The following TRAF2 variants were observed in gnomAD, a reference collection of about 807,000 sequenced individuals.
TRAF2 encodes the protein TNF receptor associated factor 2, also known as TNF receptor-associated factor 2.
A neutral mutation model predicts 55.6 loss-of-function variants in TRAF2; 6 were observed. That is an observed-to-expected ratio of 0.11 (90% confidence interval 0.06 to 0.21). The LOEUF is 0.21. Ranked by LOEUF, TRAF2 falls within the 10% of genes least tolerant of loss-of-function variation. The pLI is 1.00. For synonymous variants in TRAF2, 329 were observed against 276.3 expected (o/e 1.19, Z -1.89); for missense variants, 561 against 684.5 (o/e 0.82, Z 2.01).
At chr9:136,907,636 G>C (rs2131305935) in intron 4 of TRAF2, among the ~76,000 whole-genome samples, 1 of 152,260 alleles carries the variant, frequency 6.6e-6, no homozygotes, top group Non-Finnish European at 1.5e-5. Context: ...ATGAGGATGG[G>C]GCTGGGACTG....
chr9:136,886,256 AG>A (rs1433978926), upstream of TRAF2: 1 of 324,292 alleles, frequency 3.1e-6, no homozygotes. Flanking sequence ...GCGCTCTTTG[AG>A]GAAAAAGCAG....
chr9:136,898,220 A>G (rs1264292247), intron 1 of TRAF2, among the ~76,000 whole-genome samples: 2 of 152,334 alleles, frequency 1.3e-5, no homozygotes, highest in East Asian at 3.9e-4. Context: ...GAGTGCCTTC[A>G]GAGCCTGAGT....
chr9:136,882,357 A>C (rs1312104033), upstream of TRAF2, among the ~76,000 whole-genome samples: 1 of 152,200 alleles, frequency 6.6e-6, no homozygotes, highest in Non-Finnish European at 1.5e-5. Flanking sequence ...CTGCAGGCCC[A>C]GTAGGTAGCT....
Position 136,908,183 on chromosome 9 carries a change from C to T in TRAF2, c.480C>T (p.Ser160=), listed in dbSNP as rs749327858. 28 of 1,600,926 alleles carry T rather than the reference C, an allele frequency of 1.7e-5. No homozygotes were observed. The South Asian group carries it at 3.1e-4, about 18-fold the overall frequency. ...RHLEHECPER[S]LSCRHCRAPC... ...TGGAGCACGAGTGCCCGGAGAGAAG[C>T]CTGAGCTGCCGGCATTGCCGGGCAC... The change falls in exon 5 of 11, where the codon AGC becomes AGT. Residue 160 remains serine (S), a synonymous_variant. Coordinates refer to ENST00000247668, the MANE Select transcript of TRAF2 (RefSeq NM_021138.4).
chr9:136,923,775 AGGG>A, intron 9 of TRAF2, 74 bp from the exon 10 acceptor site: 1 of 1,495,550 alleles, frequency 6.7e-7, no homozygotes, highest in Non-Finnish European at 9.1e-7. Context: ...TCCCTGGGGG[AGGG>A]CAGCCAGGCA....
At chr9:136,884,267 A>G (rs1849407324), upstream of TRAF2, among the ~76,000 whole-genome samples, 1 of 151,288 alleles carries the variant, frequency 6.6e-6, no homozygotes, top group Non-Finnish European at 1.5e-5. Flanking sequence ...TTTTTAAAAG[A>G]GACAGGGTCA....
intron 4 of TRAF2, 156 bp downstream of exon 4, chr9:136,900,676 A>G: frequency 1.4e-6 from 1 of 716,564 alleles, no homozygotes; most frequent in Non-Finnish European, 2.6e-6. Flanking sequence ...TGCTCCTTAG[A>G]GTATGTCCAT....
upstream of TRAF2, chr9:136,886,353 G>C (rs1345072080): frequency 3.1e-6 from 3 of 973,916 alleles, no homozygotes; most frequent in African/African-American, 5.3e-5. Flanking sequence ...TGGCTCCGGC[G>C]TCAGTCCGTC....
intron 1 of TRAF2, chr9:136,886,743 C>T (rs903037776): frequency 7.0e-6 from 2 of 285,082 alleles, no homozygotes; most frequent in African/African-American, 2.3e-5. Flanking sequence ...GAAACCAAGT[C>T]CGAGCGTGGC....
intron 1 of TRAF2, among the ~76,000 whole-genome samples, chr9:136,897,026 G>C (rs937138843): frequency 6.6e-6 from 1 of 152,154 alleles, no homozygotes; most frequent in South Asian, 2.1e-4. Context: ...CCCTTCCTCT[G>C]TCCTCAACAT....
intron 1 of TRAF2, among the ~76,000 whole-genome samples, chr9:136,894,441 G>T (rs17243732): frequency 0.012 from 1,893 of 152,248 alleles, 40 homozygotes; most frequent in African/African-American, 0.044. Flanking sequence ...GTCTCGGAAG[G>T]CTGCTGGGCC....
At chr9:136,891,732 T>TG (rs1849584550) in intron 1 of TRAF2, among the ~76,000 whole-genome samples, 3 of 152,014 alleles carry the variant, frequency 2.0e-5, no homozygotes, top group Admixed American at 1.3e-4. Context: ...ATCTTTTTTT[T>TG]TTTTTTGAGA....
intron 6 of TRAF2, among the ~76,000 whole-genome samples, chr9:136,914,428 G>C (rs902392194): frequency 7.2e-5 from 11 of 152,222 alleles, no homozygotes; most frequent in Non-Finnish European, 1.3e-4. Flanking sequence ...ATTAGAACTT[G>C]GGGCCCTGCT....
At chr9:136,882,272 T>C (rs1166421314), upstream of TRAF2, among the ~76,000 whole-genome samples, 1 of 152,014 alleles carries the variant, frequency 6.6e-6, no homozygotes, top group Non-Finnish European at 1.5e-5. Flanking sequence ...GCCGCTGGAT[T>C]TCAGATGCAT....
chr9:136,906,887 C>G (rs1042997086), intron 4 of TRAF2, among the ~76,000 whole-genome samples: 4 of 152,222 alleles, frequency 2.6e-5, no homozygotes, highest in African/African-American at 7.2e-5. Context: ...CCACCCCGTT[C>G]TTCCTCCTGT....
chr9:136,920,675 C>A (rs1324320350), intron 8 of TRAF2, among the ~76,000 whole-genome samples, 160 bp downstream of exon 8: 1 of 152,198 alleles, frequency 6.6e-6, no homozygotes, highest in African/African-American at 2.4e-5. Context: ...GAGGCTCTGG[C>A]CCCCTTCATT....
At chr9:136,919,742 G>A (rs1022208479) in intron 7 of TRAF2, among the ~76,000 whole-genome samples, 1 of 144,080 alleles carries the variant, frequency 6.9e-6, no homozygotes, top group Non-Finnish European at 1.5e-5. Flanking sequence ...TCCAAACAGG[G>A]TTTTGCTGTG....
chr9:136,890,703 AG>A (rs755560638), intron 1 of TRAF2, among the ~76,000 whole-genome samples: 72 of 152,380 alleles, frequency 4.7e-4, no homozygotes, highest in Non-Finnish European at 8.8e-4. Flanking sequence ...AAAATGTTTA[AG>A]GAATCTCTAA....
At chr9:136,908,356 C>G in intron 5 of TRAF2, 125 bp downstream of exon 5, 1 of 1,094,032 alleles carries the variant, frequency 9.1e-7, no homozygotes, top group South Asian at 1.7e-5. Context: ...GGCCCTTTCC[C>G]TGGAGACACG....
Sources: gnomAD v4.1 joint callset for allele counts (sites outside exome capture counted in the v4.1 genomes callset) on GRCh38, gnomAD v4.1.1 for gene constraint, MANE v1.5 for transcripts, NCBI Gene and HGNC (gene_info 2026-07-23, HGNC 2026-07-21) for gene names.